Variants in CDH4 observed in about 807,000 individuals in gnomAD.
The protein encoded by CDH4 is cadherin-4.
Under a neutral mutation model 86.0 loss-of-function variants are expected in CDH4, and 33 were observed. The observed-to-expected ratio is 0.38, with a 90% CI of 0.29 to 0.51. CDH4 has a LOEUF of 0.51. Among genes scored for constraint, CDH4 ranks in the 20% least tolerant of loss-of-function variants. The pLI is 0.86. For synonymous variants in CDH4, 555 were observed against 549.4 expected, an observed-to-expected ratio of 1.01 and a Z score of -0.14; for missense variants, 1,114 against 1,307.4, an observed-to-expected ratio of 0.85 and a Z score of 2.28.
Position 61,400,768 on chromosome 20 carries a change from C to T in CDH4, c.169+145831C>T, listed in dbSNP as rs150347471. Reference sequence around the variant, plus strand: ...TCCTGGCTGCAGCACCAGAGGGCTTCGGGGCCGGCCTGGCCCCACCTCCGC... The same window carrying T: ...TCCTGGCTGCAGCACCAGAGGGCTTTGGGGCCGGCCTGGCCCCACCTCCGC... On this transcript the variant is annotated intron_variant, in intron 2 of 15. Transcript: ENST00000614565. Among the ~76,000 whole-genome samples, 551 of 152,244 alleles carry T rather than the reference C, an allele frequency of 3.6e-3. 5 individuals carry two copies. The highest frequency in any genetic ancestry group is 5.5e-3 in the Non-Finnish European group (374 of 68,002).
At chr20:61,581,904 C>T (rs963958393) in intron 2 of CDH4, among the ~76,000 whole-genome samples, 2 of 152,190 alleles carry the variant, frequency 1.3e-5, no homozygotes, top group African/African-American at 2.4e-5. Flanking sequence ...GCCGTCTCCC[C>T]AGCCGGTAGA....
intron 4 of CDH4, among the ~76,000 whole-genome samples, chr20:61,804,899 G>C (rs1434898197): frequency 6.6e-6 from 1 of 152,224 alleles, no homozygotes; most frequent in Non-Finnish European, 1.5e-5. Flanking sequence ...GGAACATACA[G>C]AGCTGTCAGC....
At chr20:61,619,473 G>A (rs565014311) in intron 2 of CDH4, among the ~76,000 whole-genome samples, 1 of 152,294 alleles carries the variant, frequency 6.6e-6, no homozygotes, top group African/African-American at 2.4e-5. Flanking sequence ...GCAAAATGAT[G>A]ATTAGAACTC....
chr20:61,690,007 G>T (rs1287925706), intron 2 of CDH4, among the ~76,000 whole-genome samples: 2 of 151,230 alleles, frequency 1.3e-5, no homozygotes, highest in Non-Finnish European at 2.9e-5. Flanking sequence ...GTGAGGTGAT[G>T]TGGATTCGGG....
chr20:61,539,207 C>G (rs2086020888), intron 2 of CDH4, among the ~76,000 whole-genome samples: 1 of 152,230 alleles, frequency 6.6e-6, no homozygotes, highest in African/African-American at 2.4e-5. Flanking sequence ...TTCTCAGCAT[C>G]TTCTCCTCAC....
At chr20:61,899,018 C>G (rs113484497) in intron 8 of CDH4, among the ~76,000 whole-genome samples, 1 of 152,072 alleles carries the variant, frequency 6.6e-6, no homozygotes, top group African/African-American at 2.4e-5. Flanking sequence ...GAGGGAGGGC[C>G]GGGCGCAGTG....
chr20:61,284,927 TA>T (rs1474109785), intron 2 of CDH4, among the ~76,000 whole-genome samples: 1 of 152,198 alleles, frequency 6.6e-6, no homozygotes, highest in Non-Finnish European at 1.5e-5. Flanking sequence ...TGTGTGCCAA[TA>T]AAACTTTATT....
At chr20:61,390,964 T>TA (rs2084982107) in intron 2 of CDH4, among the ~76,000 whole-genome samples, 1 of 152,212 alleles carries the variant, frequency 6.6e-6, no homozygotes, top group Non-Finnish European at 1.5e-5. Flanking sequence ...ATTTTGTAGT[T>TA]AAAAAATTAC....
chr20:61,573,611 C>T (rs530174060), intron 2 of CDH4, among the ~76,000 whole-genome samples: 3 of 152,216 alleles, frequency 2.0e-5, no homozygotes, highest in South Asian at 4.2e-4. Context: ...CCAGGAGCCT[C>T]GGGGCCTCCT....
At chr20:61,532,086 C>A (rs1291580662) in intron 2 of CDH4, among the ~76,000 whole-genome samples, 1 of 152,184 alleles carries the variant, frequency 6.6e-6, no homozygotes, top group African/African-American at 2.4e-5. Context: ...GCGGATAAAA[C>A]ACAGGTGTGA....
intron 2 of CDH4, among the ~76,000 whole-genome samples, chr20:61,685,289 T>C (rs1486440471): frequency 6.6e-6 from 1 of 152,210 alleles, no homozygotes; most frequent in Non-Finnish European, 1.5e-5. Context: ...GCGCTGCTAC[T>C]GGCTTCAAAG....
chr20:61,850,561 C>T (rs4925304), intron 5 of CDH4, among the ~76,000 whole-genome samples: 61,861 of 152,142 alleles, frequency 0.41, 15,387 homozygotes, highest in Non-Finnish European at 0.56. Context: ...TTCCCCCGAG[C>T]GCCTTCCCGC....
intron 2 of CDH4, chr20:61,718,759 C>A: frequency 2.1e-6 from 1 of 468,714 alleles, no homozygotes; most frequent in South Asian, 1.6e-5. Flanking sequence ...TAACAGGCCA[C>A]CCTACACCCC....
At chr20:61,850,520 C>T (rs981200796) in intron 5 of CDH4, among the ~76,000 whole-genome samples, 3 of 152,234 alleles carry the variant, frequency 2.0e-5, no homozygotes, top group African/African-American at 7.2e-5. Context: ...ATCCCACACA[C>T]ATCTGGACAG....
At position 61,321,523 on chromosome 20, in the gene CDH4, G is replaced by A. The variant is rs972130246; in HGVS notation, c.169+66586G>A. Reference sequence around the variant, plus strand: ...AGAGAATATAAGGATTTTTTTCCACGGGTCAGTGTGTTTGGAAGACACCAC... The same window carrying A: ...AGAGAATATAAGGATTTTTTTCCACAGGTCAGTGTGTTTGGAAGACACCAC... On this transcript the variant is annotated intron_variant, in intron 2 of 15. Coordinates refer to ENST00000614565, the MANE Select transcript of CDH4 (RefSeq NM_001794.5). Among the ~76,000 whole-genome samples, 4 of 152,084 alleles carry A rather than the reference G, an allele frequency of 2.6e-5. No homozygotes were observed. In the East Asian group the frequency reaches 7.7e-4, roughly 29 times the overall value.
At chr20:61,438,235 TG>T (rs1470091307) in intron 2 of CDH4, among the ~76,000 whole-genome samples, 2 of 152,188 alleles carry the variant, frequency 1.3e-5, no homozygotes, top group African/African-American at 4.8e-5. Context: ...GAAAATGTAT[TG>T]TTTTTTAAAA....
chr20:61,554,367 C>A (rs542202838), intron 2 of CDH4, among the ~76,000 whole-genome samples: 31 of 152,296 alleles, frequency 2.0e-4, no homozygotes, highest in Non-Finnish European at 2.5e-4. Context: ...CTCTGGTGGG[C>A]AAAGACCCAG....
chr20:61,826,669 G>T (rs1429765519), intron 4 of CDH4, among the ~76,000 whole-genome samples: 1 of 152,208 alleles, frequency 6.6e-6, no homozygotes, highest in Non-Finnish European at 1.5e-5. Flanking sequence ...TTTGTTCTCG[G>T]GTGAATTAAG....
chr20:61,729,590 CCT>C (rs2088154597), intron 2 of CDH4, among the ~76,000 whole-genome samples: 1 of 152,222 alleles, frequency 6.6e-6, no homozygotes, highest in Non-Finnish European at 1.5e-5. Context: ...AGCTGCGTCT[CCT>C]CTTGGCAGAG....
Sources: allele counts gnomAD v4.1 joint callset (sites outside exome capture counted in the v4.1 genomes callset), GRCh38; gene constraint gnomAD v4.1.1; transcripts MANE v1.5; gene names NCBI Gene and HGNC (gene_info 2026-07-23, HGNC 2026-07-21).